Variants in PRH1 observed in about 807,000 individuals in gnomAD.
The protein encoded by PRH1 is salivary acidic proline-rich phosphoprotein 1/2.
Under a neutral mutation model 7.9 loss-of-function variants are expected in PRH1, and 7 were observed. The ratio of observed to expected loss-of-function variants is 0.89; its 90% CI spans 0.50 to 1.67. PRH1 has a LOEUF of 1.67. Among genes scored for constraint, PRH1 ranks in the 40% most tolerant of loss-of-function variants. The probability of loss-of-function intolerance (pLI) is 0.00; values close to 1 mark genes in which losing one functional copy is unlikely to be tolerated. For missense variants in PRH1, 109 were observed against 223.6 expected, an observed-to-expected ratio of 0.49 and a Z score of 3.27; for synonymous variants, 45 against 80.8, an observed-to-expected ratio of 0.56 and a Z score of 2.38.
At chr12:11,020,856 C>T (rs10743937) in intron 1 of PRH1, among the ~76,000 whole-genome samples, 69,205 of 138,574 alleles carry the variant, frequency 0.5, 16,441 homozygotes, top group Non-Finnish European at 0.57. Flanking sequence ...CTAAGAAAAA[C>T]AAATGGAAAT....
chr12:11,158,907 T>A (rs1327119315), intron 1 of PRH1: 1 of 152,110 alleles, frequency 6.6e-6, no homozygotes, highest in Non-Finnish European at 1.5e-5. Context: ...GCAAGTAAAA[T>A]CATCATAATA....
In PRH1 at chr12:11,024,444, C is replaced by T. The variant is rs374930862; in HGVS notation, c.-126+22576G>A. ...AGCAACATCCCTAATTTATGATGGT[C>T]TTTTTTTAATATTCTTTATACTTTA... On this transcript the variant is annotated intron_variant, in intron 1 of 3. Coordinates refer to the PRH1 transcript ENST00000539853. Among the ~76,000 whole-genome samples, 41 of 152,306 alleles carry T rather than the reference C, an allele frequency of 2.7e-4. 1 individual carries two copies. The East Asian group carries it at 5.2e-3, about 19-fold the overall frequency.
At chr12:10,977,977 T>C (rs1939181002) in intron 1 of PRH1, among the ~76,000 whole-genome samples, 2 of 151,952 alleles carry the variant, frequency 1.3e-5, no homozygotes, top group South Asian at 2.1e-4. Context: ...AAAATGCCCA[T>C]GCTGCCTAAA....
chr12:11,032,306 G>C (rs1163093382), intron 1 of PRH1, among the ~76,000 whole-genome samples: 1 of 152,070 alleles, frequency 6.6e-6, no homozygotes, highest in Non-Finnish European at 1.5e-5. Context: ...AAGGGAGCTT[G>C]GTCATAACTA....
chr12:11,107,159 C>A (rs1455041045), intron 1 of PRH1, among the ~76,000 whole-genome samples: 2 of 152,084 alleles, frequency 1.3e-5, no homozygotes, highest in Non-Finnish European at 1.5e-5. Context: ...CATCACAACA[C>A]CCAGCTAATT....
intron 1 of PRH1, among the ~76,000 whole-genome samples, chr12:11,044,141 C>T (rs991141027): frequency 3.3e-5 from 5 of 152,132 alleles, no homozygotes; most frequent in African/African-American, 1.2e-4. Flanking sequence ...CAAATCCACA[C>T]ACCTACAGTG....
intron 2 of PRH1, chr12:10,973,408 AG>A: frequency 2.9e-6 from 1 of 348,808 alleles, no homozygotes. Flanking sequence ...TCTGATGGCC[AG>A]GACAGAAACC....
intron 1 of PRH1, among the ~76,000 whole-genome samples, chr12:11,033,898 A>G (rs1489034287): frequency 6.6e-6 from 1 of 152,228 alleles, no homozygotes; most frequent in African/African-American, 2.4e-5. Flanking sequence ...ACACTCAAGT[A>G]ACCATGATGC....
chr12:11,150,990 A>C (rs895744736), intron 1 of PRH1, among the ~76,000 whole-genome samples: 3 of 152,098 alleles, frequency 2.0e-5, no homozygotes, highest in Non-Finnish European at 4.4e-5. Context: ...GAGGAGTCTC[A>C]CTGAGCTGTG....
intron 1 of PRH1, among the ~76,000 whole-genome samples, chr12:11,109,098 G>T (rs1945514695): frequency 6.6e-6 from 1 of 152,182 alleles, no homozygotes; most frequent in South Asian, 2.1e-4. Flanking sequence ...CACAACCACT[G>T]TAGCCAAACT....
chr12:10,956,754 A>G (rs1363929172), intron 2 of PRH1, among the ~76,000 whole-genome samples: 5 of 152,120 alleles, frequency 3.3e-5, no homozygotes, highest in African/African-American at 9.7e-5. Flanking sequence ...AAAAATTAGT[A>G]GCATTCCTAT....
chr12:11,158,082 C>G (rs1018389745), intron 1 of PRH1, among the ~76,000 whole-genome samples: 2 of 152,142 alleles, frequency 1.3e-5, no homozygotes, highest in African/African-American at 4.8e-5. Flanking sequence ...TATTTTTTCC[C>G]TTTATTCCAT....
chr12:11,005,945 T>C (rs1301616261), intron 1 of PRH1: 1 of 152,164 alleles, frequency 6.6e-6, no homozygotes, highest in African/African-American at 2.4e-5. Flanking sequence ...TCCCTTGGTA[T>C]GAATATTCAC....
chr12:10,915,652 A>G (rs1347430244), intron 2 of PRH1, among the ~76,000 whole-genome samples: 1 of 45,478 alleles, frequency 2.2e-5, no homozygotes, highest in African/African-American at 3.8e-5. Flanking sequence ...AAGTAAGCAA[A>G]AATTAACTTG....
chr12:10,894,578 T>C (rs986588201), intron 2 of PRH1, among the ~76,000 whole-genome samples: 7 of 152,184 alleles, frequency 4.6e-5, no homozygotes. Context: ...TGATTTTATA[T>C]ACACTCTATA....
intron 1 of PRH1, among the ~76,000 whole-genome samples, chr12:11,085,964 T>TG (rs1441680607): frequency 8.3e-6 from 1 of 120,616 alleles, no homozygotes; most frequent in Non-Finnish European, 2.0e-5. Context: ...TTATGGAAAG[T>TG]GAATCCTAAA....
chr12:10,950,050 T>G (rs1950545689), intron 2 of PRH1, among the ~76,000 whole-genome samples: 1 of 152,198 alleles, frequency 6.6e-6, no homozygotes, highest in African/African-American at 2.4e-5. Context: ...TTGTTCATTT[T>G]CTTTGTTATA....
upstream of PRH1, among the ~76,000 whole-genome samples, chr12:10,887,458 C>G (rs1949509059): frequency 1.3e-5 from 2 of 151,480 alleles, no homozygotes; most frequent in Admixed American, 6.6e-5. Flanking sequence ...AAAATATCTT[C>G]TATATTTTTA....
chr12:11,027,853 C>G (rs1391793235), intron 1 of PRH1, among the ~76,000 whole-genome samples: 1 of 152,190 alleles, frequency 6.6e-6, no homozygotes, highest in East Asian at 1.9e-4. Flanking sequence ...GACAAGTATC[C>G]TCTGTCTGAC....
Sources: allele counts gnomAD v4.1 joint callset (sites outside exome capture counted in the v4.1 genomes callset), GRCh38; gene constraint gnomAD v4.1.1; transcripts MANE v1.5; gene names NCBI Gene and HGNC (gene_info 2026-07-23, HGNC 2026-07-21).